Variants in GNL3 observed in about 807,000 individuals in gnomAD.
GNL3 encodes the protein guanine nucleotide-binding protein-like 3.
A neutral mutation model predicts 70.6 loss-of-function variants in GNL3; 77 were observed. The observed-to-expected ratio is 1.09, with a 90% confidence interval of 0.91 to 1.32. GNL3 has a LOEUF of 1.32. GNL3 is among the 40% of genes most tolerant of loss of function. The pLI, the probability that GNL3 is intolerant of heterozygous loss-of-function variation, is 0.00. For synonymous variants in GNL3, 252 were observed against 216.1 expected (o/e 1.17, Z -1.46); for missense variants, 634 against 644.0 (o/e 0.98, Z 0.17).
chr3:52,688,818 G>T, intron 5 of GNL3: 1 of 492,932 alleles, frequency 2.0e-6, no homozygotes, highest in East Asian at 3.8e-5. Context: ...GATTCAGACA[G>T]GGATATTTGC....
intron 12 of GNL3, 31 bp downstream of exon 12, chr3:52,693,575 C>G: frequency 6.2e-7 from 1 of 1,613,982 alleles, no homozygotes; most frequent in African/African-American, 1.3e-5. Context: ...CTGTCTTCAT[C>G]AGCTGACAGG....
At chr3:52,692,829 A>G in intron 9 of GNL3, 43 bp from the exon 10 acceptor site, 1 of 1,524,236 alleles carries the variant, frequency 6.6e-7, no homozygotes. Context: ...CTTAACCTCC[A>G]AATAGACCAA....
intron 10 of GNL3, 48 bp from the exon 11 acceptor site, chr3:52,693,139 T>C (rs1275394874): frequency 3.1e-6 from 5 of 1,595,570 alleles, no homozygotes; most frequent in Non-Finnish European, 4.3e-6. Flanking sequence ...TTTAAAGTAC[T>C]GGCATGTCAG....
rs1234759547 is a variant in GNL3 at position 52,693,632 on chromosome 3, C to T, written c.1325C>T (p.Ala442Val). The T allele has an allele frequency of 6.2e-7, 1 of 1,613,752 alleles. No homozygotes were observed. The highest frequency in any genetic ancestry group is 1.1e-5 in the South Asian group (1 of 91,066). ...LEKNNAQSIR[A>V]IKGPHLANSI... ...TACATGGGCTTGCTTTCTTTCCCAG[C>T]CATCAAGGGCCCTCATTTGGCCAAT... Residue 442 changes from alanine (A) to valine (V), a missense_variant and splice_region_variant, in exon 13 of 15, where the codon GCC becomes GTC. Ala to Val is a moderately conservative substitution (Grantham distance 64, BLOSUM62 0). Coordinates refer to ENST00000418458, the MANE Select transcript of GNL3 (RefSeq NM_014366.5).
Position 52,686,037 on chromosome 3 carries a change from A to AC in GNL3, c.-55dup. 1 of 862,918 alleles carries AC rather than the reference A, an allele frequency of 1.2e-6. No individual in the cohort carries two copies. Among genetic ancestry groups the AC allele is most frequent in the Non-Finnish European group, 2.0e-6 (1 of 493,624 alleles). 53.5% of individuals were successfully genotyped at this position (862,918 alleles called of 1,614,324 possible). A position where few individuals can be genotyped will look rare whatever the true frequency, so the allele number is the denominator to read the frequency against. On this transcript the variant is annotated 5_prime_UTR_variant, in exon 1 of 15. Coordinates refer to ENST00000418458, the MANE Select transcript of GNL3 (RefSeq NM_014366.5). ...TGACGCTCGTCAGTGGCTTCAGTTC[A>AC]CACGTGGCGCCAGCGGAGGCAGGTT...
At chr3:52,692,651 T>C (rs1016406162) in intron 9 of GNL3, 5 of 689,024 alleles carry the variant, frequency 7.3e-6, no homozygotes, top group African/African-American at 7.0e-5. Context: ...GGAAATAGCA[T>C]GTGTTTTGGT....
chr3:52,687,454 TAAC>T, intron 3 of GNL3, 45 bp from the exon 4 acceptor site: 4 of 1,589,358 alleles, frequency 2.5e-6, no homozygotes, highest in Non-Finnish European at 3.5e-6. Context: ...CAGAGTAAGG[TAAC>T]AACACTAGTC....
At chr3:52,691,157 T>A (rs1307791771) in intron 8 of GNL3, 86 bp downstream of exon 8, 16 of 1,176,978 alleles carry the variant, frequency 1.4e-5, no homozygotes, top group Non-Finnish European at 2.0e-5. Context: ...CAAGCAGCAG[T>A]GTATGGAGTT....
At chr3:52,689,369 T>G (rs2097325129) in intron 6 of GNL3, 163 bp downstream of exon 6, 1 of 759,270 alleles carries the variant, frequency 1.3e-6, no homozygotes, top group Non-Finnish European at 2.4e-6. Flanking sequence ...GCCAGGTGAC[T>G]TTTACAACTG....
chr3:52,693,431 A>C lies in GNL3; in HGVS notation c.1211A>C (p.His404Pro). ...WTGASLAYYC[H>P]PPTSWTPPPY... ...AGTGCCTCATTAGCTTACTATTGCC[A>C]TCCCCCTACATCTTGGACTCCTCCT... The change falls in exon 12 of 15, where the codon CAT becomes CCT. Residue 404 changes from histidine (H) to proline (P), a missense_variant. By Grantham distance (77) the His-to-Pro change is moderately conservative (BLOSUM62 -2). Coordinates refer to ENST00000418458, the MANE Select transcript of GNL3 (RefSeq NM_014366.5). 1 of 1,614,044 alleles carries C rather than the reference A, an allele frequency of 6.2e-7. No individual in the cohort carries two copies. Among genetic ancestry groups the C allele is most frequent in the Non-Finnish European group, 8.5e-7 (1 of 1,179,888 alleles).
intron 13 of GNL3, 68 bp from the exon 14 acceptor site, chr3:52,693,969 C>T (rs1360379390): frequency 2.1e-6 from 3 of 1,411,536 alleles, no homozygotes; most frequent in African/African-American, 1.4e-5. Flanking sequence ...TTTTCAGGTA[C>T]ATAACTACTT....
chr3:52,693,622 T>G lies in GNL3; in HGVS notation c.1325-10T>G, dbSNP rs370544618. The G allele has an allele frequency of 1.4e-4, 225 of 1,613,782 alleles. No homozygotes were observed. The highest frequency in any genetic ancestry group is 8.2e-4 in the Middle Eastern group (5 of 6,084). The stretch of plus-strand genomic sequence containing the variant: ...CTTACCTGTTTACATGGGCTTGCTT[T>G]CTTTCCCAGCCATCAAGGGCCCTCA... On this transcript the variant is annotated splice_polypyrimidine_tract_variant and intron_variant, in intron 12 of 14. Transcript: ENST00000418458.
rs1009921872 is a variant in GNL3, at chr3:52,686,892, T to TG, written c.72+66dup. The TG allele has an allele frequency of 6.5e-6, 8 of 1,224,144 alleles. No homozygotes were observed. The African/African-American group carries it at 1.2e-4, about 18-fold the overall frequency. The allele number at this position is 1,224,144 out of a possible 1,614,324, so 75.8% of individuals were successfully genotyped here. A position where few individuals can be genotyped will look rare whatever the true frequency, so the allele number is the denominator to read the frequency against. ...CTAAACTGATTTTGCCCTGTTCCTT[T>TG]GCGGGAAAGTCTGGGTTAATGTGAT... On this transcript the variant is annotated intron_variant, in intron 2 of 14. Coordinates refer to ENST00000418458, the MANE Select transcript of GNL3 (RefSeq NM_014366.5).
At chr3:52,688,795 T>C (rs1297921867) in intron 5 of GNL3, 1 of 427,466 alleles carries the variant, frequency 2.3e-6, no homozygotes, top group African/African-American at 2.0e-5. Flanking sequence ...AACTATATAA[T>C]TCACTATGGG....
Position 52,693,497 on chromosome 3 carries a change from G to C in GNL3, c.1277G>C (p.Gly426Ala), listed in dbSNP as rs2097329374. The C allele has an allele frequency of 1.2e-6, 2 of 1,614,006 alleles. No homozygotes were observed. Among genetic ancestry groups the C allele is most frequent in the Non-Finnish European group, 1.7e-6 (2 of 1,180,016 alleles). ...NESIVVDMKS[G>A]FNLEELEKNN... ...AGTATTGTGGTAGACATGAAAAGCG[G>C]CTTCAATCTGGAAGAACTGGAAAAG... The change falls in exon 12 of 15, where the codon GGC becomes GCC. Residue 426 changes from glycine (G) to alanine (A), a missense_variant. Gly to Ala is a moderately conservative substitution (Grantham distance 60, BLOSUM62 0). Transcript: ENST00000418458.
chr3:52,687,776 A>G (rs867247547), intron 4 of GNL3, 161 bp downstream of exon 4: 1 of 614,000 alleles, frequency 1.6e-6, no homozygotes, highest in South Asian at 2.0e-5. Flanking sequence ...GGACTACAGA[A>G]GCACACCATC....
Position 52,689,138 on chromosome 3 carries a change from G to C in GNL3, c.473G>C (p.Cys158Ser). The change falls in exon 6 of 15, where the codon TGT becomes TCT. Residue 158 changes from cysteine (C) to serine (S), a missense_variant. By Grantham distance (112) the Cys-to-Ser change is moderately radical. Transcript: ENST00000418458. ...GCCAGAGATCCTCTTGGTTGCAGAT[G>C]TCCTCAGGTAGAAGAGGCCATTGTC... ...LDARDPLGCRCPQVEEAIVQS... is the reference protein window; with the variant it reads ...LDARDPLGCRSPQVEEAIVQS... 1 of 1,612,388 alleles carries C rather than the reference G, an allele frequency of 6.2e-7. No homozygotes were observed. The highest frequency in any genetic ancestry group is 1.7e-5 in the Admixed American group (1 of 60,034).
chr3:52,686,255 C>A, intron 1 of GNL3, 150 bp downstream of exon 1: 2 of 791,690 alleles, frequency 2.5e-6, no homozygotes, highest in Non-Finnish European at 4.1e-6. Flanking sequence ...CTGGTAGAAC[C>A]GAGAGTTGGA....
chr3:52,693,198 A>G lies in GNL3; in HGVS notation c.1056A>G (p.Lys352=), dbSNP rs1553911528. ...SQADARQVVL[K]YTVPGYRNSL... is the part of the protein sequence containing the mutation. ...GTTTTTTTTTTAAGGTAGTACTGAA[A>G]TATACTGTCCCAGGCTACAGGAATT... The change falls in exon 11 of 15, where the codon AAA becomes AAG. Residue 352 remains lysine (K), a synonymous_variant. Transcript: ENST00000418458. 1.2e-6 allele frequency: 2 copies of G among 1,611,000 alleles called. No homozygotes were observed. The highest frequency in any genetic ancestry group is 1.7e-6 in the Non-Finnish European group (2 of 1,179,040).
Sources: gnomAD v4.1 joint callset for allele counts on GRCh38, gnomAD v4.1.1 for gene constraint, MANE v1.5 for transcripts, NCBI Gene and HGNC (gene_info 2026-07-23, HGNC 2026-07-21) for gene names.